AGTPBP1: variants seen among roughly 807,000 people sequenced by gnomAD.
AGTPBP1 encodes the protein cytosolic carboxypeptidase 1.
A neutral mutation model predicts 143.9 loss-of-function variants in AGTPBP1; 70 were observed. The ratio of observed to expected loss-of-function variants is 0.49; its 90% CI spans 0.40 to 0.59. The LOEUF is 0.59. Among genes scored for constraint, AGTPBP1 ranks in the 20% least tolerant of loss-of-function variants. The pLI, the probability that AGTPBP1 is intolerant of heterozygous loss-of-function variation, is 0.00. For synonymous variants in AGTPBP1, 463 were observed against 500.2 expected (o/e 0.93, Z 0.99); for missense variants, 1,229 against 1,464.5 (o/e 0.84, Z 2.62).
chr9:85,643,372 T>A (rs993387354), intron 12 of AGTPBP1, among the ~76,000 whole-genome samples: 1 of 152,202 alleles, frequency 6.6e-6, no homozygotes, highest in Non-Finnish European at 1.5e-5. Flanking sequence ...GTTACCCCCA[T>A]TTAACTGAAG....
chr9:85,800,123 T>A, the AGTPBP1 span, among the ~76,000 whole-genome samples: 24 of 152,334 alleles, frequency 1.6e-4, no homozygotes, highest in Middle Eastern at 0.014. Flanking sequence ...TCTGCTTTTC[T>A]GTGTAGTGAG....
chr9:85,548,312 G>A (rs963093382), intron 25 of AGTPBP1, among the ~76,000 whole-genome samples: 1 of 152,200 alleles, frequency 6.6e-6, no homozygotes, highest in Non-Finnish European at 1.5e-5. Flanking sequence ...GGATGGGAAA[G>A]TTAATAGATT....
chr9:85,631,619 G>A (rs1831682481), intron 14 of AGTPBP1, among the ~76,000 whole-genome samples: 1 of 152,114 alleles, frequency 6.6e-6, no homozygotes, highest in African/African-American at 2.4e-5. Flanking sequence ...ACACTAAGTT[G>A]CCAAGTAAAA....
the AGTPBP1 span, among the ~76,000 whole-genome samples, chr9:85,791,819 A>G: frequency 1.3e-5 from 2 of 151,590 alleles, no homozygotes; most frequent in Non-Finnish European, 2.9e-5. Context: ...TATGTTTACT[A>G]TTCACTCAGG....
At chr9:85,638,340 C>CA (rs1168685931) in intron 13 of AGTPBP1, among the ~76,000 whole-genome samples, 2 of 150,982 alleles carry the variant, frequency 1.3e-5, no homozygotes, top group Non-Finnish European at 1.5e-5. Flanking sequence ...AACTATACCT[C>CA]AAAAAAGTTG....
chr9:85,703,051 C>A (rs2134386366), intron 2 of AGTPBP1, among the ~76,000 whole-genome samples: 1 of 152,338 alleles, frequency 6.6e-6, no homozygotes, highest in African/African-American at 2.4e-5. Flanking sequence ...CTATTCTGAG[C>A]CCTCTGGTCC....
chr9:85,562,591 T>C (rs1166448404), intron 25 of AGTPBP1, among the ~76,000 whole-genome samples: 1 of 152,228 alleles, frequency 6.6e-6, no homozygotes. Context: ...AAATCTCCAT[T>C]GTTATTTATA....
At chr9:85,804,070 A>C in the AGTPBP1 span, among the ~76,000 whole-genome samples, 9 of 152,154 alleles carry the variant, frequency 5.9e-5, no homozygotes, top group African/African-American at 1.9e-4. Flanking sequence ...TAGATCTGTC[A>C]GTTTTTCCAC....
At chr9:85,594,909 T>C (rs1829198055) in intron 18 of AGTPBP1, among the ~76,000 whole-genome samples, 1 of 152,196 alleles carries the variant, frequency 6.6e-6, no homozygotes, top group African/African-American at 2.4e-5. Flanking sequence ...TTGAAAAACA[T>C]TGTTTCATTC....
At chr9:85,686,518 G>A (rs1835497046) in intron 3 of AGTPBP1, among the ~76,000 whole-genome samples, 1 of 152,090 alleles carries the variant, frequency 6.6e-6, no homozygotes, top group Non-Finnish European at 1.5e-5. Flanking sequence ...CTCCTTCTAA[G>A]AAAACTTAAT....
chr9:85,689,795 C>A lies in AGTPBP1; in HGVS notation c.157+2894G>T, dbSNP rs973483847. Among the ~76,000 whole-genome samples the A allele has an allele frequency of 2.0e-5, 3 of 146,950 alleles. No individual in the cohort carries two copies. The Admixed American group carries it at 2.0e-4, about 10-fold the overall frequency. ...CCTGTAATCCCAGCTACTCGGGGGG[C>A]TGAGACAAAGAATGGCTTGAACTCG... On this transcript the variant is annotated intron_variant, in intron 3 of 25. Transcript: ENST00000357081.
At chr9:85,734,655 T>C (rs1285456619) in intron 1 of AGTPBP1, among the ~76,000 whole-genome samples, 4 of 152,186 alleles carry the variant, frequency 2.6e-5, no homozygotes, top group Admixed American at 6.5e-5. Context: ...GCACTATTGA[T>C]AGGAATATAA....
intron 25 of AGTPBP1, among the ~76,000 whole-genome samples, chr9:85,550,008 C>T (rs1164118748): frequency 6.6e-6 from 1 of 152,172 alleles, no homozygotes; most frequent in East Asian, 1.9e-4. Context: ...AGATCATGTT[C>T]CTAGCCACAG....
chr9:85,684,979 A>AC (rs1242498180), intron 3 of AGTPBP1, among the ~76,000 whole-genome samples: 1 of 129,560 alleles, frequency 7.7e-6, no homozygotes, highest in African/African-American at 2.6e-5. Flanking sequence ...ACTTGAGAAT[A>AC]AAAAAAAAAA....
chr9:85,796,254 G>C, the AGTPBP1 span, among the ~76,000 whole-genome samples: 1 of 152,220 alleles, frequency 6.6e-6, no homozygotes, highest in Admixed American at 6.5e-5. Flanking sequence ...GTTTTGGAGA[G>C]AGTGATAGCA....
intron 3 of AGTPBP1, among the ~76,000 whole-genome samples, chr9:85,691,634 A>G (rs184750870): frequency 1.3e-4 from 19 of 151,164 alleles, no homozygotes; most frequent in African/African-American, 4.4e-4. Flanking sequence ...AATCACATGG[A>G]TTTTATTTGA....
At chr9:85,709,565 A>G (rs1437295308) in intron 2 of AGTPBP1, among the ~76,000 whole-genome samples, 1 of 152,200 alleles carries the variant, frequency 6.6e-6, no homozygotes, top group Non-Finnish European at 1.5e-5. Flanking sequence ...GACATCTCAG[A>G]TATCAGCAAG....
At chr9:85,617,631 C>T (rs371126557) in intron 17 of AGTPBP1, among the ~76,000 whole-genome samples, 5 of 151,732 alleles carry the variant, frequency 3.3e-5, no homozygotes, top group Non-Finnish European at 7.4e-5. Context: ...TTTTTTAAAA[C>T]GGTCTCATGA....
intron 19 of AGTPBP1, 88 bp from the exon 20 acceptor site, chr9:85,589,769 T>A: frequency 8.0e-7 from 1 of 1,254,828 alleles, no homozygotes; most frequent in Non-Finnish European, 1.1e-6. Context: ...TCCACATAAC[T>A]AGAAGTGAAT....
Sources: gnomAD v4.1 joint callset for allele counts (sites outside exome capture counted in the v4.1 genomes callset) on GRCh38, gnomAD v4.1.1 for gene constraint, MANE v1.5 for transcripts, NCBI Gene and HGNC (gene_info 2026-07-23, HGNC 2026-07-21) for gene names.